The following DPYD variants were observed in gnomAD, a reference collection of about 807,000 sequenced individuals.
The protein encoded by DPYD is dihydropyrimidine dehydrogenase.
DPYD carries 109 observed loss-of-function variants against 116.2 expected under a neutral mutation model. The observed-to-expected ratio is 0.94, with a 90% confidence interval of 0.80 to 1.10. The LOEUF is 1.10. Among genes scored for constraint, DPYD ranks in the 50% least tolerant of loss-of-function variants. The pLI, the probability that DPYD is intolerant of heterozygous loss-of-function variation, is 0.00. For synonymous variants in DPYD, 440 were observed against 432.0 expected, an observed-to-expected ratio of 1.02 and a Z score of -0.23; for missense variants, 1,302 against 1,254.5, an observed-to-expected ratio of 1.04 and a Z score of -0.57.
intron 20 of DPYD, among the ~76,000 whole-genome samples, chr1:97,100,287 G>T (rs937976107): frequency 1.3e-5 from 2 of 151,992 alleles, no homozygotes; most frequent in African/African-American, 4.8e-5. Context: ...GGTATATGAG[G>T]TGTTAGGGAT....
intron 14 of DPYD, among the ~76,000 whole-genome samples, chr1:97,434,779 A>G (rs543615872): frequency 6.6e-6 from 1 of 152,204 alleles, no homozygotes; most frequent in South Asian, 2.1e-4. Flanking sequence ...AAGAAAATAC[A>G]GTTTCTTAGC....
chr1:97,098,840 A>C (rs1171669217), intron 20 of DPYD, among the ~76,000 whole-genome samples: 2 of 152,132 alleles, frequency 1.3e-5, no homozygotes, highest in Non-Finnish European at 2.9e-5. Flanking sequence ...ACAACAGTAC[A>C]ATACTTTTAC....
At chr1:97,091,522 T>C (rs144120057) in intron 21 of DPYD, among the ~76,000 whole-genome samples, 47 of 152,204 alleles carry the variant, frequency 3.1e-4, no homozygotes, top group African/African-American at 1.0e-3. Flanking sequence ...CTGATTCATG[T>C]GCAGACAGAA....
intron 8 of DPYD, among the ~76,000 whole-genome samples, chr1:97,637,480 G>A (rs891905864): frequency 2.6e-5 from 4 of 151,218 alleles, no homozygotes; most frequent in Non-Finnish European, 5.9e-5. Context: ...CTGAACATAA[G>A]AGAGTACAGG....
rs1649010811 is a variant in DPYD, at chr1:97,525,770, G to GAGAGAGAC, written c.1525-9830_1525-9829insGTCTCTCT. ...TGCCCTGGGTAATTAGAGAGAGAGA[G>GAGAGAGAC]AGAGAGAGAGAGAGAGAGAGTGTGT... On this transcript the variant is annotated intron_variant, in intron 12 of 22. Transcript: ENST00000370192. Among the ~76,000 whole-genome samples the GAGAGAGAC allele has an allele frequency of 3.3e-5, 5 of 150,028 alleles. No homozygotes were observed. In the South Asian group the frequency reaches 1.1e-3, roughly 32 times the overall value.
intron 1 of DPYD, among the ~76,000 whole-genome samples, chr1:97,899,788 A>G (rs1386229628): frequency 6.6e-6 from 1 of 152,006 alleles, no homozygotes; most frequent in African/African-American, 2.4e-5. Context: ...TCATGGGACC[A>G]TGGGCTTTAA....
chr1:97,222,942 A>C (rs1660870467), intron 19 of DPYD, among the ~76,000 whole-genome samples: 1 of 152,086 alleles, frequency 6.6e-6, no homozygotes, highest in African/African-American at 2.4e-5. Flanking sequence ...AAAAATTAGA[A>C]GTTATTGAAT....
At chr1:97,557,443 G>C (rs1651829131) in intron 11 of DPYD, among the ~76,000 whole-genome samples, 1 of 150,436 alleles carries the variant, frequency 6.6e-6, no homozygotes, top group South Asian at 2.1e-4. Flanking sequence ...AGCCTCCCAA[G>C]TAGCTGGGAT....
intron 2 of DPYD, among the ~76,000 whole-genome samples, chr1:97,863,491 T>C (rs909090906): frequency 6.6e-6 from 1 of 151,808 alleles, no homozygotes; most frequent in African/African-American, 2.4e-5. Context: ...TGATTTGCAA[T>C]GGTAAAGACT....
intron 18 of DPYD, among the ~76,000 whole-genome samples, chr1:97,290,222 G>T (rs1040450134): frequency 5.9e-5 from 9 of 152,100 alleles, no homozygotes; most frequent in African/African-American, 2.2e-4. Context: ...CATGCTCATG[G>T]GTAGGAAGAA....
chr1:97,815,097 GAAGAGAAAAGAGAAGA>G (rs1557982815), intron 3 of DPYD, among the ~76,000 whole-genome samples: 2 of 10,086 alleles, frequency 2.0e-4, no homozygotes, highest in Non-Finnish European at 6.0e-4. Context: ...AAAGAGAAGA[GAAGAGAAAAGAGAAGA>G]GAAGAGAAAA....
At chr1:97,123,950 T>A (rs1652638861) in intron 20 of DPYD, among the ~76,000 whole-genome samples, 2 of 152,136 alleles carry the variant, frequency 1.3e-5, no homozygotes, top group African/African-American at 4.8e-5. Flanking sequence ...TGAATCTGGG[T>A]CCCTGCCAAA....
chr1:97,299,361 A>G (rs987275201), intron 18 of DPYD, among the ~76,000 whole-genome samples: 4 of 152,164 alleles, frequency 2.6e-5, no homozygotes, highest in Admixed American at 2.0e-4. Context: ...TGCTTGTCAG[A>G]GTTCTTTGGT....
chr1:97,664,351 T>C (rs947608798), intron 8 of DPYD, among the ~76,000 whole-genome samples: 6 of 151,896 alleles, frequency 4.0e-5, no homozygotes, highest in Admixed American at 3.3e-4. Context: ...TATATATATA[T>C]AGCTATAGGT....
chr1:97,257,452 T>TATATAGAGAGAGAG lies in DPYD; in HGVS notation c.2300-22459_2300-22458insCTCTCTCTCTATAT, dbSNP rs375490078. Reference sequence around the variant, plus strand: ...ATACATACGTATATATATATATATATAGAGAGAGAGAAAGAGAGAGAGAGC... The same window carrying TATATAGAGAGAGAG: ...ATACATACGTATATATATATATATATATATAGAGAGAGAGAGAGAGAGAGAAAGAGAGAGAGAGC... On this transcript the variant is annotated intron_variant, in intron 18 of 22. Transcript: ENST00000370192. Among the ~76,000 whole-genome samples the TATATAGAGAGAGAG allele has an allele frequency of 6.0e-3, 757 of 126,434 alleles. 7 individuals are homozygous for TATATAGAGAGAGAG. Among genetic ancestry groups the TATATAGAGAGAGAG allele is most frequent in the African/African-American group, 0.02 (627 of 31,770 alleles). 82.9% of individuals were successfully genotyped at this position (126,434 alleles called of 152,430 possible).
rs757227327 is a variant in DPYD at position 97,193,241 on chromosome 1, C to T, written c.2450G>A (p.Ser817Asn). ...AGTGAAATCCTGATTCTGAATGGCA[C>T]TGCATACCTAGAAAAGACAGAGCAG... ...HSGASVLQVCSAIQNQDFTVI... is the reference protein window; with the variant it reads ...HSGASVLQVCNAIQNQDFTVI... The change falls in exon 20 of 23, where the codon AGT becomes AAT. Residue 817 changes from serine (S) to asparagine (N), a missense_variant. Physicochemically the swap from Ser to Asn is conservative, Grantham distance 46. Coordinates refer to ENST00000370192, the MANE Select transcript of DPYD (RefSeq NM_000110.4). 1 of 1,613,424 alleles carries T rather than the reference C, an allele frequency of 6.2e-7. No homozygotes were observed. Among genetic ancestry groups the T allele is most frequent in the Non-Finnish European group, 8.5e-7 (1 of 1,179,718 alleles).
chr1:97,769,578 G>A (rs1007400192), intron 3 of DPYD, among the ~76,000 whole-genome samples: 1 of 152,064 alleles, frequency 6.6e-6, no homozygotes, highest in Admixed American at 6.5e-5. Context: ...CTCAGAACTA[G>A]CCCTCAAAAT....
At chr1:97,425,534 C>T (rs988318858) in intron 14 of DPYD, among the ~76,000 whole-genome samples, 1 of 152,066 alleles carries the variant, frequency 6.6e-6, no homozygotes, top group African/African-American at 2.4e-5. Context: ...GTCTCCTTTA[C>T]TGACCCAGCA....
intron 18 of DPYD, among the ~76,000 whole-genome samples, chr1:97,241,500 A>T (rs576577427): frequency 6.6e-6 from 1 of 152,062 alleles, no homozygotes; most frequent in African/African-American, 2.4e-5. Context: ...TACATTAAAA[A>T]TAAAGTCTCT....
Sources: allele counts gnomAD v4.1 joint callset (sites outside exome capture counted in the v4.1 genomes callset), GRCh38; gene constraint gnomAD v4.1.1; transcripts MANE v1.5; gene names NCBI Gene and HGNC (gene_info 2026-07-23, HGNC 2026-07-21).